The following ANKRD30A variants were observed in gnomAD, a reference collection of about 807,000 sequenced individuals.
ANKRD30A encodes the protein ankyrin repeat domain-containing protein 30A.
In ANKRD30A, 170 loss-of-function variants were observed where a neutral mutation model predicts 166.3. The observed-to-expected ratio is 1.02, with a 90% CI of 0.90 to 1.16. The LOEUF is 1.16. Among genes scored for constraint, ANKRD30A ranks in the 50% most tolerant of loss-of-function variants. The pLI, the probability that ANKRD30A is intolerant of heterozygous loss-of-function variation, is 0.00. For missense variants in ANKRD30A, 1,630 were observed against 1,518.0 expected, an observed-to-expected ratio of 1.07 and a Z score of -1.23; for synonymous variants, 564 against 508.9, an observed-to-expected ratio of 1.11 and a Z score of -1.46.
At chr10:37,179,023 TA>T in intron 24 of ANKRD30A, among the ~76,000 whole-genome samples, 1 of 18,158 alleles carries the variant, frequency 5.5e-5, no homozygotes, top group Non-Finnish European at 1.6e-4. Flanking sequence ...AATATATATA[TA>T]TATATATATA....
At chr10:37,151,238 C>CT (rs1837912395) in intron 11 of ANKRD30A, among the ~76,000 whole-genome samples, 1 of 152,094 alleles carries the variant, frequency 6.6e-6, no homozygotes, top group Non-Finnish European at 1.5e-5. Context: ...ATAAAGAAAA[C>CT]TGGACATTAT....
rs376852112 is a variant in ANKRD30A at position 37,231,451 on chromosome 10, A to G, written c.4186-10A>G. The G allele has an allele frequency of 3.1e-6, 5 of 1,588,196 alleles. No individual in the cohort carries two copies. Among genetic ancestry groups the G allele is most frequent in the Non-Finnish European group, 4.3e-6 (5 of 1,166,136 alleles). ...AAATACTAAGCATTTTCCTTTTGCA[A>G]TCTTCACAGAACTCATGAGAGACAA... On this transcript the variant is annotated splice_polypyrimidine_tract_variant and intron_variant, in intron 34 of 35. Transcript: ENST00000361713.
At chr10:37,128,466 TTTA>T (rs1836179913) in intron 1 of ANKRD30A, among the ~76,000 whole-genome samples, 1 of 151,974 alleles carries the variant, frequency 6.6e-6, no homozygotes, top group Non-Finnish European at 1.5e-5. Flanking sequence ...ACATGTACAT[TTTA>T]TTAGACACAT....
intron 27 of ANKRD30A, among the ~76,000 whole-genome samples, chr10:37,194,530 CAG>C (rs548087539): frequency 6.6e-6 from 1 of 152,008 alleles, no homozygotes; most frequent in South Asian, 2.1e-4. Flanking sequence ...TTAGTAGAGA[CAG>C]GGTTTCAGTG....
intron 13 of ANKRD30A, among the ~76,000 whole-genome samples, chr10:37,157,343 A>T (rs909337602): frequency 2.6e-5 from 4 of 152,216 alleles, no homozygotes; most frequent in African/African-American, 9.6e-5. Flanking sequence ...ATATGTAAAA[A>T]GTCTCTAGAA....
intron 13 of ANKRD30A, among the ~76,000 whole-genome samples, chr10:37,155,097 A>G (rs1190060489): frequency 1.3e-5 from 2 of 152,166 alleles, no homozygotes; most frequent in Non-Finnish European, 2.9e-5. Context: ...AAAAACCATA[A>G]AATTCTGAAT....
chr10:37,158,086 T>A lies in ANKRD30A; in HGVS notation c.1799-306T>A, dbSNP rs1767336. Among the ~76,000 whole-genome samples the A allele has an allele frequency of 1.2e-3, 184 of 152,290 alleles. 1 individual carries two copies. Among genetic ancestry groups the A allele is most frequent in the African/African-American group, 3.0e-3 (123 of 41,556 alleles). On this transcript the variant is annotated intron_variant, in intron 13 of 35. Coordinates refer to ENST00000361713, the MANE Select transcript of ANKRD30A (RefSeq NM_052997.3). ...TCTTATTAAATACAACTTCTTTCCT[T>A]ATACGGCCGCTTTCTCTTACTGATA...
At chr10:37,245,111 CTTA>C in the ANKRD30A span, among the ~76,000 whole-genome samples, 1 of 152,102 alleles carries the variant, frequency 6.6e-6, no homozygotes, top group Non-Finnish European at 1.5e-5. Context: ...TTTCAATTGT[CTTA>C]TTAACTTAAT....
chr10:37,193,923 G>A (rs1233705027), intron 27 of ANKRD30A, among the ~76,000 whole-genome samples: 6 of 152,138 alleles, frequency 3.9e-5, no homozygotes, highest in East Asian at 3.9e-4. Flanking sequence ...GGCCGTGCAC[G>A]GTGGCACGTG....
intron 15 of ANKRD30A, among the ~76,000 whole-genome samples, chr10:37,162,306 G>A (rs1217914263): frequency 6.6e-6 from 1 of 152,120 alleles, no homozygotes; most frequent in African/African-American, 2.4e-5. Flanking sequence ...CAGGATGAAT[G>A]GAATAATATA....
intron 34 of ANKRD30A, among the ~76,000 whole-genome samples, chr10:37,226,120 AT>A (rs1198014585): frequency 6.6e-6 from 1 of 150,512 alleles, no homozygotes; most frequent in Non-Finnish European, 1.5e-5. Flanking sequence ...TATATATATA[AT>A]TTTACTTTAA....
intron 13 of ANKRD30A, among the ~76,000 whole-genome samples, chr10:37,156,123 C>G (rs1838363803): frequency 6.6e-6 from 1 of 151,884 alleles, no homozygotes; most frequent in Admixed American, 6.6e-5. Flanking sequence ...TTTACACCAC[C>G]TTTAATTAGA....
chr10:37,158,386 T>A lies in ANKRD30A; in HGVS notation c.1799-6T>A. ...TAATCAATTATGTATGTCCCTTTTC[T>A]TATAGAGTCTCCTAATAAAGATGGT... is the stretch of plus-strand genomic sequence containing the variant. On this transcript the variant is annotated splice_region_variant and splice_polypyrimidine_tract_variant and intron_variant, in intron 13 of 35. Transcript: ENST00000361713. The A allele has an allele frequency of 1.2e-6, 2 of 1,608,586 alleles. No individual in the cohort carries two copies. The highest frequency in any genetic ancestry group is 1.1e-5 in the South Asian group (1 of 90,776).
intron 9 of ANKRD30A, among the ~76,000 whole-genome samples, chr10:37,148,971 T>G (rs1837710367): frequency 6.6e-6 from 1 of 152,046 alleles, no homozygotes; most frequent in Non-Finnish European, 1.5e-5. Flanking sequence ...TTATTTATGT[T>G]TAATACATCT....
chr10:37,156,121 A>C (rs751967765), intron 13 of ANKRD30A, among the ~76,000 whole-genome samples: 7 of 151,748 alleles, frequency 4.6e-5, no homozygotes, highest in Non-Finnish European at 8.8e-5. Flanking sequence ...ACTTTACACC[A>C]CCTTTAATTA....
intron 3 of ANKRD30A, 57 bp downstream of exon 3, chr10:37,130,435 A>C: frequency 7.5e-7 from 1 of 1,325,748 alleles, no homozygotes. Flanking sequence ...TTTTAACATT[A>C]ACATATGTAA....
At chr10:37,165,296 G>A in intron 18 of ANKRD30A, 141 bp downstream of exon 18, 1 of 810,818 alleles carries the variant, frequency 1.2e-6, no homozygotes, top group Non-Finnish European at 1.9e-6. Context: ...ATGCTTAATG[G>A]AGAATCTATG....
intron 3 of ANKRD30A, 46 bp downstream of exon 3, chr10:37,130,424 G>T: frequency 1.5e-6 from 2 of 1,375,230 alleles, no homozygotes; most frequent in East Asian, 2.7e-5. Context: ...AAATCCATTT[G>T]TTTTAACATT....
At position 37,149,767 on chromosome 10, in the gene ANKRD30A, C is replaced by A; in HGVS notation, c.1573-10C>A. The A allele has an allele frequency of 6.2e-7, 1 of 1,612,936 alleles. No individual in the cohort carries two copies. Among genetic ancestry groups the A allele is most frequent in the Non-Finnish European group, 8.5e-7 (1 of 1,179,178 alleles). On this transcript the variant is annotated splice_polypyrimidine_tract_variant and intron_variant, in intron 10 of 35. Transcript: ENST00000361713. Reference sequence around the variant, plus strand: ...TCTTTATTAATCATTTTGCTTCCAACCCCATTTAGCCTGCCATTGAAATGC... The same window carrying A: ...TCTTTATTAATCATTTTGCTTCCAAACCCATTTAGCCTGCCATTGAAATGC...
Sources: allele counts gnomAD v4.1 joint callset (sites outside exome capture counted in the v4.1 genomes callset), GRCh38; gene constraint gnomAD v4.1.1; transcripts MANE v1.5; gene names NCBI Gene and HGNC (gene_info 2026-07-23, HGNC 2026-07-21).